The following YLPM1 variants were observed in gnomAD, a reference collection of about 807,000 sequenced individuals.
YLPM1 encodes YLP motif-containing protein 1.
A neutral mutation model predicts 230.0 loss-of-function variants in YLPM1; 99 were observed. That is an observed-to-expected ratio of 0.43 (90% CI 0.37 to 0.51). YLPM1 has a LOEUF of 0.51. Among genes scored for constraint, YLPM1 ranks in the 20% least tolerant of loss-of-function variants. The pLI is 0.00. For synonymous variants in YLPM1, 984 were observed against 942.5 expected (o/e 1.04, Z -0.81); for missense variants, 2,592 against 2,707.7 (o/e 0.96, Z 0.95).
chr14:74,774,474 C>T (rs1260454690), intron 1 of YLPM1, among the ~76,000 whole-genome samples: 11 of 151,616 alleles, frequency 7.3e-5, no homozygotes, highest in African/African-American at 2.7e-4. Flanking sequence ...GGCGTGATCT[C>T]GGCTCACTGC....
chr14:74,800,797 A>T (rs140841683), intron 5 of YLPM1, among the ~76,000 whole-genome samples: 1 of 152,332 alleles, frequency 6.6e-6, no homozygotes, highest in Non-Finnish European at 1.5e-5. Context: ...TACACTATTC[A>T]CTTTTAAGTT....
At chr14:74,815,691 C>CT (rs2091472725) in intron 11 of YLPM1, among the ~76,000 whole-genome samples, 1 of 151,684 alleles carries the variant, frequency 6.6e-6, no homozygotes, top group Non-Finnish European at 1.5e-5. Context: ...TTTCTTTCCT[C>CT]TGTTTCTTTA....
Position 74,763,725 on chromosome 14 carries a change from A to G in YLPM1, c.236A>G (p.His79Arg). ...CAAATGCAGTGCGTGCTTCAGCCCC[A>G]CCACCTTCCTCCGCCCCCTCTGCCG... ...QKQMQCVLQP[H>R]HLPPPPLPPP... is the part of the protein sequence containing the mutation. The change falls in exon 1 of 21, where the codon CAC becomes CGC. Residue 79 changes from histidine (H) to arginine (R), a missense_variant. Physicochemically the swap from His to Arg is conservative, Grantham distance 29 (BLOSUM62 0). Around this residue, in one of 4 missense-constraint regions of YLPM1, gnomAD observed 1,862 missense variants for 1,819.8 expected, o/e 1.02. Transcript: ENST00000325680. 1 of 1,523,270 alleles carries G rather than the reference A, an allele frequency of 6.6e-7. No homozygotes were observed. The highest frequency in any genetic ancestry group is 8.8e-7 in the Non-Finnish European group (1 of 1,133,628). The allele number at this position is 1,523,270 out of a possible 1,614,324, so 94.4% of individuals were successfully genotyped here.
intron 6 of YLPM1, among the ~76,000 whole-genome samples, chr14:74,803,546 C>CT (rs2140116908): frequency 6.6e-6 from 1 of 152,310 alleles, no homozygotes; most frequent in South Asian, 2.1e-4. Context: ...GTGTTGTTGA[C>CT]TCCCCAGATC....
chr14:74,803,235 A>G (rs1433927517), intron 6 of YLPM1, among the ~76,000 whole-genome samples: 23 of 152,226 alleles, frequency 1.5e-4, no homozygotes, highest in Non-Finnish European at 1.5e-5. Flanking sequence ...CTGTTCAGGC[A>G]GTATGAAAAG....
chr14:74,811,620 A>T lies in YLPM1; in HGVS notation c.5229A>T (p.Arg1743Ser), dbSNP rs2091435730. ...FDRERRPRDD[R>S]AQSYRDKKDH... ...AAGCGCTTCCTATTACACCTTCTAG[A>T]GCTCAGTCATATCGAGACAAAAAAG... Residue 1743 changes from arginine to serine, a missense_variant and splice_region_variant, in exon 10 of 21, where the codon AGA (arginine) becomes AGT (serine). Arg to Ser is a moderately radical substitution (Grantham distance 110). This residue lies in a region of YLPM1 where 403 missense variants were observed against 426.7 expected (regional missense o/e 0.94). Coordinates refer to ENST00000325680, the MANE Select transcript of YLPM1 (RefSeq NM_019589.3). 1.2e-6 allele frequency: 2 copies of T among 1,606,500 alleles called. No homozygotes were observed. The highest frequency in any genetic ancestry group is 2.2e-5 in the East Asian group (1 of 44,820).
chr14:74,808,670 G>C (rs899889889), intron 6 of YLPM1, among the ~76,000 whole-genome samples: 2 of 152,050 alleles, frequency 1.3e-5, no homozygotes, highest in African/African-American at 4.8e-5. Flanking sequence ...TGGGCGTGGT[G>C]GCGGGTGCCT....
chr14:74,780,530 ACAGCAGATTCTACAACAGTAT>A lies in YLPM1; in HGVS notation c.1246_1266del (p.Leu416_Ile422del). 1 of 1,614,038 alleles carries A rather than the reference ACAGCAGATTCTACAACAGTAT, an allele frequency of 6.2e-7. No individual in the cohort carries two copies. The highest frequency in any genetic ancestry group is 8.5e-7 in the Non-Finnish European group (1 of 1,179,894). ...GAATAATGCAGAAGCACACTCAGTT[ACAGCAGATTCTACAACAGTAT>A]CAGCAGATTATACAGCCCCCACCAC... On this transcript the variant is annotated inframe_deletion, in exon 3 of 21. Transcript: ENST00000325680.
At chr14:74,832,758 C>T (rs140107039) in intron 19 of YLPM1, among the ~76,000 whole-genome samples, 2,886 of 152,300 alleles carry the variant, frequency 0.019, 34 homozygotes, top group Non-Finnish European at 0.03. Context: ...CAGGCGTGAG[C>T]CACTGTGCCT....
At chr14:74,769,605 A>C (rs2090953699) in intron 1 of YLPM1, among the ~76,000 whole-genome samples, 1 of 150,290 alleles carries the variant, frequency 6.7e-6, no homozygotes, top group Admixed American at 6.6e-5. Context: ...TTGTATTTTT[A>C]GTACAGAAGA....
chr14:74,835,509 A>C (rs1474090240), intron 20 of YLPM1, 62 bp downstream of exon 20: 1 of 1,443,590 alleles, frequency 6.9e-7, no homozygotes, highest in East Asian at 2.3e-5. Context: ...TTTGAGATAA[A>C]GAAGACAGCA....
At chr14:74,779,425 G>A (rs953908604) in intron 2 of YLPM1, among the ~76,000 whole-genome samples, 1 of 152,076 alleles carries the variant, frequency 6.6e-6, no homozygotes, top group Non-Finnish European at 1.5e-5. Flanking sequence ...ATCATATAGA[G>A]GTATTCAAGC....
intron 1 of YLPM1, among the ~76,000 whole-genome samples, chr14:74,774,428 CG>C (rs1190715432): frequency 5.3e-5 from 8 of 151,490 alleles, no homozygotes; most frequent in Admixed American, 2.0e-4. Context: ...TGTTTTGAGA[CG>C]GAGTCTCGCT....
intron 17 of YLPM1, among the ~76,000 whole-genome samples, chr14:74,823,206 G>T (rs891265498): frequency 1.3e-5 from 2 of 152,062 alleles, no homozygotes; most frequent in Non-Finnish European, 2.9e-5. Context: ...AATGCTTTGT[G>T]ACTTACTTTA....
At chr14:74,786,598 A>T (rs2140095515) in intron 4 of YLPM1, among the ~76,000 whole-genome samples, 1 of 152,286 alleles carries the variant, frequency 6.6e-6, no homozygotes, top group African/African-American at 2.4e-5. Flanking sequence ...TTATTGTGAG[A>T]GTCATCCATG....
intron 1 of YLPM1, among the ~76,000 whole-genome samples, chr14:74,769,862 C>CT (rs2090958722): frequency 1.1e-5 from 1 of 94,946 alleles, no homozygotes; most frequent in Non-Finnish European, 2.2e-5. Flanking sequence ...CCCCCCCCCC[C>CT]GCCCCCCGCC....
rs553717414 is a variant in YLPM1, at chr14:74,782,149, T to G, written c.2106T>G (p.Ala702=). The change falls in exon 4 of 21, where the codon GCT becomes GCG. Residue 702 remains alanine (A), a synonymous_variant. Coordinates refer to ENST00000325680, the MANE Select transcript of YLPM1 (RefSeq NM_019589.3). ...CATCAGAACAAGTGAATTCAAAAGC[T>G]CCTTTGAGCAAGTCTGCTCTGCCAT... ...AGPSEQVNSK[A]PLSKSALPYS... is the part of the protein sequence containing the mutation. The G allele has an allele frequency of 1.4e-5, 23 of 1,613,340 alleles. No homozygotes were observed. In the African/African-American group the frequency reaches 2.9e-4, roughly 21 times the overall value.
chr14:74,805,643 A>C (rs1378260801), intron 6 of YLPM1, among the ~76,000 whole-genome samples: 1 of 150,880 alleles, frequency 6.6e-6, no homozygotes, highest in Non-Finnish European at 1.5e-5. Context: ...GAGCCCCTGC[A>C]CCCAGCCAAC....
chr14:74,767,856 C>T (rs1011768920), intron 1 of YLPM1, among the ~76,000 whole-genome samples: 3 of 151,524 alleles, frequency 2.0e-5, no homozygotes, highest in Non-Finnish European at 2.9e-5. Context: ...ACTCTGGAAC[C>T]TTCATTTAAG....
Sources: allele counts gnomAD v4.1 joint callset (sites outside exome capture counted in the v4.1 genomes callset), GRCh38; gene constraint gnomAD v4.1.1; regional missense constraint gnomAD v4.1.1; transcripts MANE v1.5; gene names NCBI Gene and HGNC (gene_info 2026-07-23, HGNC 2026-07-21).